The following KANSL3 variants were observed in gnomAD, a reference collection of about 807,000 sequenced individuals.
The protein encoded by KANSL3 is NSL complex protein NSL3.
In KANSL3, 16 loss-of-function variants were observed where a neutral mutation model predicts 89.2. The observed-to-expected ratio is 0.18, with a 90% CI of 0.12 to 0.27. The LOEUF is 0.27. KANSL3 is among the 10% of genes least tolerant of loss of function. KANSL3 has a pLI of 1.00. For missense variants in KANSL3, 879 were observed against 1,110.6 expected, an observed-to-expected ratio of 0.79 and a Z score of 2.96; for synonymous variants, 385 against 419.7, an observed-to-expected ratio of 0.92 and a Z score of 1.01.
rs925169115 is a variant in KANSL3 at position 96,594,183 on chromosome 2, T to C, written c.*1428A>G. 4 of 152,212 alleles carry C rather than the reference T, an allele frequency of 2.6e-5. No individual in the cohort carries two copies. Among genetic ancestry groups the C allele is most frequent in the African/African-American group, 9.7e-5 (4 of 41,438 alleles). The allele number at this position is 152,212 out of a possible 1,614,324, so 9.4% of individuals were successfully genotyped here. A position where few individuals can be genotyped will look rare whatever the true frequency, so the allele number is the denominator to read the frequency against. The stretch of plus-strand genomic sequence containing the variant: ...GGTGACCTGGTATAGATACACACTG[T>C]ACTGTGGGCCAGAACCATGGACTAC... On this transcript the variant is annotated 3_prime_UTR_variant, in exon 21 of 21. Transcript: ENST00000431828.
intron 3 of KANSL3, among the ~76,000 whole-genome samples, chr2:96,630,702 T>C (rs2073227415): frequency 2.6e-5 from 4 of 152,250 alleles, no homozygotes; most frequent in South Asian, 2.1e-4. Context: ...AAAGCTGTTA[T>C]GTAATTAGGT....
rs185275597 is a variant in KANSL3 at position 96,600,916 on chromosome 2, G to A, written c.2616+727C>T. The A allele has an allele frequency of 1.4e-4, 134 of 984,776 alleles. No individual in the cohort carries two copies. The African/African-American group carries it at 2.1e-3, about 15-fold the overall frequency. The allele number at this position is 984,776 out of a possible 1,614,324, so 61.0% of individuals were successfully genotyped here. A position where few individuals can be genotyped will look rare whatever the true frequency, so the allele number is the denominator to read the frequency against. On this transcript the variant is annotated intron_variant, in intron 20 of 20. Transcript: ENST00000431828. ...GAGTATTATACTTGGGGGCCGAGGC[G>A]GGAGGACCACTTAAACCTTGGAGTT...
At position 96,609,991 on chromosome 2, in the gene KANSL3, G is replaced by A. The variant is rs538847713; in HGVS notation, c.1320-429C>T. On this transcript the variant is annotated intron_variant, in intron 11 of 20. Coordinates refer to ENST00000431828, the MANE Select transcript of KANSL3 (RefSeq NM_001115016.3). ...AAAAAAAAAAAAAAAGCTCAAGGTC[G>A]TGAAAGACAAAGATGGAGGAACTCT... Among the ~76,000 whole-genome samples, 114 of 131,432 alleles carry A rather than the reference G, an allele frequency of 8.7e-4. 1 individual carries two copies. The highest frequency in any genetic ancestry group is 8.8e-3 in the Middle Eastern group (2 of 228). The allele number at this position is 131,432 out of a possible 152,430, so 86.2% of individuals were successfully genotyped here.
chr2:96,595,532 C>G lies in KANSL3; in HGVS notation c.*79G>C. On this transcript the variant is annotated 3_prime_UTR_variant, in exon 21 of 21. Coordinates refer to ENST00000431828, the MANE Select transcript of KANSL3 (RefSeq NM_001115016.3). ...GTCTTCCGACACGTGGACAGCTCAG[C>G]AGGACCACACACCTGTCCAGGGCCC... The G allele has an allele frequency of 6.6e-7, 1 of 1,512,272 alleles. No individual in the cohort carries two copies. The highest frequency in any genetic ancestry group is 9.1e-7 in the Non-Finnish European group (1 of 1,094,088). The allele number at this position is 1,512,272 out of a possible 1,614,324, so 93.7% of individuals were successfully genotyped here.
intron 2 of KANSL3, among the ~76,000 whole-genome samples, chr2:96,632,634 T>C (rs188040142): frequency 2.0e-5 from 3 of 152,146 alleles, no homozygotes; most frequent in Non-Finnish European, 2.9e-5. Flanking sequence ...GAGAGCTCGT[T>C]TAGGGACAAG....
intron 2 of KANSL3, chr2:96,636,644 C>T: frequency 2.7e-6 from 1 of 368,162 alleles, no homozygotes; most frequent in Non-Finnish European, 4.9e-6. Context: ...TTAAATAACC[C>T]TCTACGATTT....
chr2:96,602,530 C>G (rs2067332851), intron 18 of KANSL3, among the ~76,000 whole-genome samples, 192 bp from the exon 19 acceptor site: 1 of 152,160 alleles, frequency 6.6e-6, no homozygotes. Flanking sequence ...CTATTATTAC[C>G]TCATTTTATA....
chr2:96,612,739 C>T, intron 7 of KANSL3, 79 bp downstream of exon 7: 1 of 1,262,676 alleles, frequency 7.9e-7, no homozygotes, highest in Non-Finnish European at 1.1e-6. Context: ...ATTTTGACCT[C>T]CTCCCACATA....
chr2:96,601,364 G>T (rs1174380894), intron 20 of KANSL3: 10 of 985,166 alleles, frequency 1.0e-5, no homozygotes, highest in Admixed American at 1.2e-4. Context: ...AAAATGAAAC[G>T]AAAGGAAAAG....
At chr2:96,625,201 C>A (rs1004177469) in intron 3 of KANSL3, among the ~76,000 whole-genome samples, 1 of 152,100 alleles carries the variant, frequency 6.6e-6, no homozygotes, top group Non-Finnish European at 1.5e-5. Context: ...CAGAATGAGA[C>A]TCCATCTCAA....
rs1573229882 is a variant in KANSL3, at chr2:96,594,289, T to C, written c.*1322A>G. 1 of 152,212 alleles carries C rather than the reference T, an allele frequency of 6.6e-6. No homozygotes were observed. The highest frequency in any genetic ancestry group is 1.9e-4 in the East Asian group (1 of 5,202). 9.4% of individuals were successfully genotyped at this position (152,212 alleles called of 1,614,324 possible). ...GTCACACTTGGGTTGCCTAATTTAT[T>C]ACCTTAACTAGAAACATTCTAAGTA... On this transcript the variant is annotated 3_prime_UTR_variant, in exon 21 of 21. Coordinates refer to ENST00000431828, the MANE Select transcript of KANSL3 (RefSeq NM_001115016.3).
At chr2:96,606,957 G>C (rs2068077015) in intron 14 of KANSL3, 5 of 1,275,012 alleles carry the variant, frequency 3.9e-6, no homozygotes, top group Non-Finnish European at 5.1e-6. Context: ...AGGCAAGAAA[G>C]AGTAATACTC....
chr2:96,601,486 C>A, intron 20 of KANSL3, 157 bp downstream of exon 20: 1 of 1,390,356 alleles, frequency 7.2e-7, no homozygotes, highest in Non-Finnish European at 9.3e-7. Flanking sequence ...ATGATTCGCT[C>A]AATATTATAA....
chr2:96,606,696 C>T (rs2068033286), intron 14 of KANSL3: 3 of 250,788 alleles, frequency 1.2e-5, no homozygotes, highest in Admixed American at 5.4e-5. Flanking sequence ...CACAGACATA[C>T]AAAAAAGCAG....
chr2:96,622,706 G>C (rs1222642811), intron 3 of KANSL3, among the ~76,000 whole-genome samples: 1 of 152,168 alleles, frequency 6.6e-6, no homozygotes, highest in Non-Finnish European at 1.5e-5. Flanking sequence ...TGGACTCCAT[G>C]TCTTTCAGAT....
At chr2:96,607,534 C>T (rs567536824) in intron 14 of KANSL3, among the ~76,000 whole-genome samples, 3 of 152,318 alleles carry the variant, frequency 2.0e-5, no homozygotes, top group South Asian at 2.1e-4. Context: ...ACTGTCCACA[C>T]GGGACTTGGC....
At chr2:96,616,707 T>C (rs977473502) in intron 5 of KANSL3, among the ~76,000 whole-genome samples, 28 of 152,232 alleles carry the variant, frequency 1.8e-4, no homozygotes, top group African/African-American at 6.3e-4. Context: ...AGAGAGGATG[T>C]TGCCTTGAGT....
Position 96,619,729 on chromosome 2 carries a change from G to T in KANSL3, c.420C>A (p.Phe140Leu). 1 of 1,560,372 alleles carries T rather than the reference G, an allele frequency of 6.4e-7. No individual in the cohort carries two copies. The highest frequency in any genetic ancestry group is 1.4e-5 in the African/African-American group (1 of 73,600). Reference sequence around the variant, plus strand: ...ACTGCAGGGCTTTGAGGATCTTGTTGAATAGCTTGTTCTGGGCCATTGTCC... The same window carrying T: ...ACTGCAGGGCTTTGAGGATCTTGTTTAATAGCTTGTTCTGGGCCATTGTCC... ...TGWTMAQNKL[F>L]NKILKALQSD... Residue 140 changes from phenylalanine to leucine, a missense_variant, in exon 4 of 21, where the codon TTC becomes TTA. Phe to Leu is a conservative substitution (Grantham distance 22, BLOSUM62 0). Transcript: ENST00000431828.
intron 3 of KANSL3, among the ~76,000 whole-genome samples, chr2:96,630,953 T>C (rs1191477578): frequency 6.6e-6 from 1 of 152,254 alleles, no homozygotes; most frequent in African/African-American, 2.4e-5. Flanking sequence ...CTTACAAATG[T>C]ACATTTCATT....
Sources: allele counts gnomAD v4.1 joint callset (sites outside exome capture counted in the v4.1 genomes callset), GRCh38; gene constraint gnomAD v4.1.1; transcripts MANE v1.5; gene names NCBI Gene and HGNC (gene_info 2026-07-23, HGNC 2026-07-21).